Variants in MAN1C1 observed in about 807,000 individuals in gnomAD.
MAN1C1 encodes the protein mannosidase alpha class 1C member 1, also known as mannosyl-oligosaccharide 1,2-alpha-mannosidase IC.
MAN1C1 carries 49 observed loss-of-function variants against 71.5 expected under a neutral mutation model. That is an observed-to-expected ratio of 0.69 (90% CI 0.54 to 0.87). The LOEUF is 0.87. Among genes scored for constraint, MAN1C1 ranks in the 40% least tolerant of loss-of-function variants. MAN1C1 has a pLI of 0.00. For synonymous variants in MAN1C1, 352 were observed against 343.7 expected (o/e 1.02, Z -0.27); for missense variants, 743 against 835.0 (o/e 0.89, Z 1.36).
At chr1:25,639,397 C>T (rs541280401) in intron 1 of MAN1C1, among the ~76,000 whole-genome samples, 5 of 152,286 alleles carry the variant, frequency 3.3e-5, no homozygotes, top group South Asian at 2.1e-4. Flanking sequence ...TACATCTTAA[C>T]GTGTTTAGAC....
At chr1:25,661,485 C>T (rs1403408449) in intron 1 of MAN1C1, among the ~76,000 whole-genome samples, 1 of 152,162 alleles carries the variant, frequency 6.6e-6, no homozygotes, top group Non-Finnish European at 1.5e-5. Context: ...CACAAATGTC[C>T]CCCTCTGTGT....
At chr1:25,673,820 TG>T (rs1008556707) in intron 1 of MAN1C1, among the ~76,000 whole-genome samples, 8 of 152,218 alleles carry the variant, frequency 5.3e-5, no homozygotes, top group Admixed American at 3.9e-4. Flanking sequence ...TGCTGTAAAA[TG>T]GGGGTGATTA....
intron 2 of MAN1C1, among the ~76,000 whole-genome samples, chr1:25,742,582 C>A (rs115540947): frequency 0.015 from 2,229 of 152,274 alleles, 52 homozygotes; most frequent in African/African-American, 0.05. Flanking sequence ...CCAGTAGGGG[C>A]AAGGAGGGCC....
rs1334013954 is a variant in MAN1C1, at chr1:25,660,371, A to G, written c.541-26069A>G. On this transcript the variant is annotated intron_variant, in intron 1 of 11. Coordinates refer to ENST00000374332, the MANE Select transcript of MAN1C1 (RefSeq NM_020379.4). ...AGCTGAGATCGCGCCATTGCACTCT[A>G]GCTTGGGCAACAAGAGTGAAATTCC... Among the ~76,000 whole-genome samples, 4 of 139,956 alleles carry G rather than the reference A, an allele frequency of 2.9e-5. No individual in the cohort carries two copies. The East Asian group carries it at 8.5e-4, about 30-fold the overall frequency. The allele number at this position is 139,956 out of a possible 152,430, so 91.8% of individuals were successfully genotyped here. A position where few individuals can be genotyped will look rare whatever the true frequency, so the allele number is the denominator to read the frequency against.
At chr1:25,718,876 T>C (rs1298037814) in intron 2 of MAN1C1, among the ~76,000 whole-genome samples, 1 of 152,164 alleles carries the variant, frequency 6.6e-6, no homozygotes, top group Non-Finnish European at 1.5e-5. Flanking sequence ...CTATGAATAA[T>C]GCTGCTATGA....
chr1:25,679,597 T>G (rs2046117560), intron 1 of MAN1C1, among the ~76,000 whole-genome samples: 1 of 151,306 alleles, frequency 6.6e-6, no homozygotes, highest in Non-Finnish European at 1.5e-5. Flanking sequence ...TACGGAAAAG[T>G]TACAAAAATC....
At chr1:25,692,076 G>A (rs2046316766) in intron 2 of MAN1C1, among the ~76,000 whole-genome samples, 1 of 152,226 alleles carries the variant, frequency 6.6e-6, no homozygotes, top group South Asian at 2.1e-4. Context: ...CCAAGGCTCA[G>A]AGAGGGGAAA....
At chr1:25,707,935 G>C (rs1013827864) in intron 2 of MAN1C1, among the ~76,000 whole-genome samples, 1 of 152,192 alleles carries the variant, frequency 6.6e-6, no homozygotes, top group Non-Finnish European at 1.5e-5. Flanking sequence ...TGGACCCCCA[G>C]GATGGACCCT....
chr1:25,674,570 A>G (rs915107106), intron 1 of MAN1C1, among the ~76,000 whole-genome samples: 2 of 152,238 alleles, frequency 1.3e-5, no homozygotes, highest in African/African-American at 2.4e-5. Context: ...GGAAGTGGCA[A>G]CCAAGCCTGG....
chr1:25,778,138 G>A lies in MAN1C1; in HGVS notation c.1291G>A (p.Gly431Arg), dbSNP rs200628488. 1.8e-5 allele frequency: 28 copies of A among 1,588,326 alleles called. No homozygotes were observed. The highest frequency in any genetic ancestry group is 8.1e-5 in the African/African-American group (6 of 74,004). Residue 431 changes from glycine (G) to arginine (R), a missense_variant, in exon 9 of 12, where the codon GGG becomes AGG. Transcript: ENST00000374332. The surrounding 1 kb of genome is among the most constrained non-coding windows in gnomAD (Gnocchi z 5.5). Reference protein sequence around the residue: ...IETYLLNVSPGGLTYIAEWRG... With the variant: ...IETYLLNVSPRGLTYIAEWRG... ...GACCTACTTGCTGAATGTCTCTCCC[G>A]GGGGGCTGACCTACATTGCCGAGTG...
chr1:25,754,681 G>GAC (rs1265226096), intron 5 of MAN1C1, among the ~76,000 whole-genome samples: 1 of 128,788 alleles, frequency 7.8e-6, no homozygotes, highest in African/African-American at 2.5e-5. Flanking sequence ...ATGAAGCCCA[G>GAC]ACACACACAC....
chr1:25,782,531 G>A lies in MAN1C1; in HGVS notation c.1651-54G>A. ...GCCAGGCATGCACAAGTCTTGAGGGGCCTTTCCTGTCCCGTGTTAAGGCTG... is the reference window on the plus strand; with the variant it reads ...GCCAGGCATGCACAAGTCTTGAGGGACCTTTCCTGTCCCGTGTTAAGGCTG... On this transcript the variant is annotated intron_variant, in intron 10 of 11. Transcript: ENST00000374332. This position sits in a 1 kb window ranked among gnomAD's most constrained non-coding sequence, Gnocchi z 4.4. The A allele has an allele frequency of 8.1e-7, 1 of 1,229,814 alleles. No homozygotes were observed. The highest frequency in any genetic ancestry group is 1.2e-6 in the Non-Finnish European group (1 of 832,414). The allele number at this position is 1,229,814 out of a possible 1,614,324, so 76.2% of individuals were successfully genotyped here. A position where few individuals can be genotyped will look rare whatever the true frequency, so the allele number is the denominator to read the frequency against.
chr1:25,732,323 G>A (rs2046920298), intron 2 of MAN1C1, among the ~76,000 whole-genome samples: 1 of 152,178 alleles, frequency 6.6e-6, no homozygotes, highest in African/African-American at 2.4e-5. Context: ...CCCAAGTTGT[G>A]CAGGAATGGA....
At chr1:25,741,280 G>A (rs543100161) in intron 2 of MAN1C1, among the ~76,000 whole-genome samples, 11 of 152,262 alleles carry the variant, frequency 7.2e-5, no homozygotes, top group African/African-American at 1.9e-4. Flanking sequence ...GTGCCTGGCC[G>A]ATGGATTTTA....
intron 1 of MAN1C1, among the ~76,000 whole-genome samples, chr1:25,650,395 T>C (rs1408569912): frequency 6.6e-6 from 1 of 152,180 alleles, no homozygotes; most frequent in Admixed American, 6.5e-5. Context: ...AGCCTTTTAT[T>C]ACCAAATACA....
chr1:25,731,953 G>A (rs1329186655), intron 2 of MAN1C1, among the ~76,000 whole-genome samples: 1 of 152,172 alleles, frequency 6.6e-6, no homozygotes, highest in Non-Finnish European at 1.5e-5. Flanking sequence ...TGGCTCCAAA[G>A]ATGCATCTGG....
At chr1:25,749,106 CTT>C in intron 3 of MAN1C1, 147 bp from the exon 4 acceptor site, 3 of 578,784 alleles carry the variant, frequency 5.2e-6, no homozygotes, top group Non-Finnish European at 9.2e-6. Context: ...TTCCTCTTGA[CTT>C]TTGTTATGAA....
chr1:25,777,970 C>T, intron 8 of MAN1C1, 135 bp from the exon 9 acceptor site: 1 of 663,912 alleles, frequency 1.5e-6, no homozygotes, highest in Non-Finnish European at 2.5e-6. Flanking sequence ...CAATGGGCCT[C>T]CTTTGCCTGG....
intron 5 of MAN1C1, among the ~76,000 whole-genome samples, chr1:25,757,668 T>C (rs72662667): frequency 0.097 from 14,762 of 152,258 alleles, 904 homozygotes; most frequent in East Asian, 0.23. Flanking sequence ...TTAAGTGGTT[T>C]GCCCGAGGGC....
Sources: gnomAD v4.1 joint callset for allele counts (sites outside exome capture counted in the v4.1 genomes callset) on GRCh38, gnomAD v4.1.1 for gene constraint, Gnocchi (gnomAD v3.1) non-coding constraint, MANE v1.5 for transcripts, NCBI Gene and HGNC (gene_info 2026-07-23, HGNC 2026-07-21) for gene names.